The following ARID3B variants were observed in gnomAD, a reference collection of about 807,000 sequenced individuals.
ARID3B encodes the protein AT-rich interaction domain 3B.
In ARID3B, 10 loss-of-function variants were observed where a neutral mutation model predicts 51.9. The ratio of observed to expected loss-of-function variants is 0.19; its 90% CI spans 0.12 to 0.33. The LOEUF is 0.33. ARID3B is among the 10% of genes least tolerant of loss of function. The pLI is 1.00. For missense variants in ARID3B, 483 were observed against 716.3 expected (o/e 0.67, Z 3.72); for synonymous variants, 205 against 279.5 (o/e 0.73, Z 2.66).
At chr15:74,589,388 C>T (rs1054342445) in intron 4 of ARID3B, among the ~76,000 whole-genome samples, 13 of 152,058 alleles carry the variant, frequency 8.5e-5, no homozygotes, top group African/African-American at 1.7e-4. Context: ...AGGCAGGGCT[C>T]CCCTTCTAGG....
chr15:74,589,521 C>CAAAA (rs1315319255), intron 4 of ARID3B, among the ~76,000 whole-genome samples: 2 of 152,148 alleles, frequency 1.3e-5, no homozygotes, highest in African/African-American at 4.8e-5. Context: ...AAAACAAAAA[C>CAAAA]ACACACACAC....
rs867170728 is a variant in ARID3B at position 74,578,838 on chromosome 15, G to T, written c.697+5634G>T. On this transcript the variant is annotated intron_variant, in intron 4 of 8. Transcript: ENST00000346246. The stretch of plus-strand genomic sequence containing the variant: ...GAGCTTGGAAGGTCAAGGCTACAGT[G>T]AGCTGAGTTCATGCCATTGCACTAC... 3.3e-5 allele frequency among the ~76,000 whole-genome samples: 5 copies of T among 152,154 alleles called. 1 individual carries two copies. The South Asian group carries it at 8.3e-4, about 25-fold the overall frequency.
At chr15:74,585,572 G>A (rs573384376) in intron 4 of ARID3B, among the ~76,000 whole-genome samples, 1 of 152,154 alleles carries the variant, frequency 6.6e-6, no homozygotes, top group Non-Finnish European at 1.5e-5. Context: ...TTTATATCTT[G>A]CTGGTTTGAA....
intron 4 of ARID3B, chr15:74,574,320 G>A (rs1020147307): frequency 6.6e-6 from 1 of 152,260 alleles, no homozygotes; most frequent in African/African-American, 2.4e-5. Context: ...CCATAGGAGA[G>A]AGCTACTCCC....
At chr15:74,557,971 G>A (rs951971998) in intron 2 of ARID3B, among the ~76,000 whole-genome samples, 1 of 151,622 alleles carries the variant, frequency 6.6e-6, no homozygotes. Flanking sequence ...ACAGGCGCCC[G>A]CCACCACGCC....
chr15:74,593,992 G>A (rs1207307525), intron 8 of ARID3B, among the ~76,000 whole-genome samples: 7 of 151,764 alleles, frequency 4.6e-5, no homozygotes, highest in African/African-American at 1.4e-4. Context: ...GCAGTAAGCC[G>A]TGATTGTACC....
intron 4 of ARID3B, among the ~76,000 whole-genome samples, chr15:74,577,322 A>AG (rs1412224390): frequency 6.6e-6 from 1 of 151,804 alleles, no homozygotes; most frequent in East Asian, 1.9e-4. Context: ...AAAAAAAAAA[A>AG]AAAGAAGATG....
rs1223738272 is a variant in ARID3B at position 74,591,237 on chromosome 15, G to A, written c.968G>A (p.Arg323His). 2 of 1,613,908 alleles carry A rather than the reference G, an allele frequency of 1.2e-6. No individual in the cohort carries two copies. The highest frequency in any genetic ancestry group is 8.5e-7 in the Non-Finnish European group (1 of 1,179,854). Residue 323 changes from arginine (R) to histidine (H), a missense_variant, in exon 6 of 9, where the codon CGC becomes CAC. By Grantham distance (29) the Arg-to-His change is conservative. Coordinates refer to ENST00000346246, the MANE Select transcript of ARID3B (RefSeq NM_006465.4). The surrounding 1 kb of genome is among the most constrained non-coding windows in gnomAD (Gnocchi z 5.8). ...CTCCAGGCAGCAATTGATGGCAACC[G>A]CAGGGAGGGCCGGCGGCCCAGCTAC... Reference protein sequence around the residue: ...AELQAAIDGNRREGRRPSYSS... With the variant: ...AELQAAIDGNHREGRRPSYSS...
chr15:74,594,153 G>GT (rs772812607), intron 8 of ARID3B, among the ~76,000 whole-genome samples: 3 of 151,970 alleles, frequency 2.0e-5, no homozygotes, highest in Non-Finnish European at 4.4e-5. Flanking sequence ...CCTGACTCTT[G>GT]TTAAGCACAG....
At chr15:74,555,111 A>G in intron 2 of ARID3B, among the ~76,000 whole-genome samples, 1 of 152,204 alleles carries the variant, frequency 6.6e-6, no homozygotes. Context: ...ATTAATATAT[A>G]TAATTATTAT....
intron 8 of ARID3B, among the ~76,000 whole-genome samples, chr15:74,594,352 G>T (rs1250424058): frequency 6.6e-6 from 1 of 152,186 alleles, no homozygotes; most frequent in African/African-American, 2.4e-5. Flanking sequence ...GGAGGCTGAG[G>T]CAGGAGAATG....
At chr15:74,545,026 A>T (rs1567114403) in intron 2 of ARID3B, among the ~76,000 whole-genome samples, 1 of 152,178 alleles carries the variant, frequency 6.6e-6, no homozygotes, top group Admixed American at 6.5e-5. Context: ...GCCAAGTTTG[A>T]TGTGAAAGAA....
chr15:74,582,170 CTTT>C (rs747904327), intron 4 of ARID3B, among the ~76,000 whole-genome samples: 2 of 143,970 alleles, frequency 1.4e-5, no homozygotes. Context: ...TAGCCATAAT[CTTT>C]TTTTTTTTTT....
intron 2 of ARID3B, among the ~76,000 whole-genome samples, chr15:74,571,598 G>C (rs536259672): frequency 6.6e-6 from 1 of 152,214 alleles, no homozygotes; most frequent in African/African-American, 2.4e-5. Flanking sequence ...TTTTGAAGAG[G>C]TGCTTAATTG....
At chr15:74,583,149 G>C (rs917587985) in intron 4 of ARID3B, among the ~76,000 whole-genome samples, 1 of 151,822 alleles carries the variant, frequency 6.6e-6, no homozygotes, top group Non-Finnish European at 1.5e-5. Context: ...GCAGTAAGGC[G>C]AGATCATGTC....
At chr15:74,572,660 G>C (rs552196181) in intron 2 of ARID3B, among the ~76,000 whole-genome samples, 100 of 150,814 alleles carry the variant, frequency 6.6e-4, no homozygotes, top group Admixed American at 2.4e-3. Context: ...CTTTATTTTG[G>C]AACCAAATCA....
intron 2 of ARID3B, among the ~76,000 whole-genome samples, chr15:74,550,687 A>G (rs1320635547): frequency 6.6e-6 from 1 of 151,786 alleles, no homozygotes; most frequent in African/African-American, 2.4e-5. Flanking sequence ...AGCCTGGGTG[A>G]CAGAGTGAGT....
At chr15:74,585,572 G>T (rs573384376) in intron 4 of ARID3B, among the ~76,000 whole-genome samples, 1 of 152,272 alleles carries the variant, frequency 6.6e-6, no homozygotes, top group East Asian at 1.9e-4. Flanking sequence ...TTTATATCTT[G>T]CTGGTTTGAA....
intron 4 of ARID3B, among the ~76,000 whole-genome samples, chr15:74,582,564 G>A (rs1476178469): frequency 3.3e-5 from 5 of 152,146 alleles, no homozygotes; most frequent in Non-Finnish European, 2.9e-5. Context: ...AGCAAAAAAG[G>A]TAATGAGTTT....
Sources: allele counts gnomAD v4.1 joint callset (sites outside exome capture counted in the v4.1 genomes callset), GRCh38; gene constraint gnomAD v4.1.1; non-coding constraint Gnocchi (gnomAD v3.1); transcripts MANE v1.5; gene names NCBI Gene and HGNC (gene_info 2026-07-23, HGNC 2026-07-21).